SLC9C1: variants seen among roughly 807,000 people sequenced by gnomAD.
SLC9C1 encodes sodium/hydrogen exchanger 10.
Under a neutral mutation model 140.9 loss-of-function variants are expected in SLC9C1, and 97 were observed. The ratio of observed to expected loss-of-function variants is 0.69; its 90% CI spans 0.58 to 0.82. The LOEUF (loss-of-function observed/expected upper bound fraction) is 0.82. Ranked by LOEUF, SLC9C1 falls within the 40% of genes least tolerant of loss-of-function variation. The pLI is 0.00. For synonymous variants in SLC9C1, 440 were observed against 442.6 expected, an observed-to-expected ratio of 0.99 and a Z score of 0.07; for missense variants, 1,340 against 1,389.3, an observed-to-expected ratio of 0.96 and a Z score of 0.56.
At chr3:112,182,292 A>C in intron 20 of SLC9C1, 34 bp from the exon 21 acceptor site, 1 of 1,578,166 alleles carries the variant, frequency 6.3e-7, no homozygotes, top group East Asian at 2.3e-5. Context: ...GGGATGAACC[A>C]AACTGCTGTT....
chr3:112,199,715 G>A (rs1199561183), intron 19 of SLC9C1, among the ~76,000 whole-genome samples: 4 of 151,934 alleles, frequency 2.6e-5, no homozygotes, highest in East Asian at 1.9e-4. Context: ...AGGTAGCTTC[G>A]TTTCTAGGAT....
chr3:112,214,555 A>C (rs1018662876), intron 15 of SLC9C1, among the ~76,000 whole-genome samples: 9 of 152,306 alleles, frequency 5.9e-5, no homozygotes, highest in Middle Eastern at 3.4e-3. Flanking sequence ...AGAAATACAA[A>C]CTACCCTCAG....
intron 7 of SLC9C1, 31 bp from the exon 8 acceptor site, chr3:112,266,371 T>C: frequency 6.6e-7 from 1 of 1,505,216 alleles, no homozygotes; most frequent in Non-Finnish European, 9.1e-7. Flanking sequence ...ATATAAAGTA[T>C]TAATTTAACA....
chr3:112,230,073 C>T (rs929795663), intron 13 of SLC9C1, among the ~76,000 whole-genome samples: 4 of 152,068 alleles, frequency 2.6e-5, no homozygotes, highest in African/African-American at 4.8e-5. Flanking sequence ...CTTAAAGAAG[C>T]CATGGTTGGC....
At chr3:112,234,491 A>T (rs1027939795) in intron 12 of SLC9C1, among the ~76,000 whole-genome samples, 2 of 152,000 alleles carry the variant, frequency 1.3e-5, no homozygotes. Context: ...ATTAGATCCC[A>T]TTTGTCAATT....
chr3:112,239,814 C>A (rs1275369674), intron 12 of SLC9C1, 26 bp downstream of exon 12: 3 of 1,576,322 alleles, frequency 1.9e-6, no homozygotes, highest in African/African-American at 1.4e-5. Flanking sequence ...TGCATTAAAG[C>A]AATAAAAAAG....
chr3:112,169,369 AC>A (rs2077202654), intron 23 of SLC9C1, 41 bp from the exon 24 acceptor site: 1 of 1,579,540 alleles, frequency 6.3e-7, no homozygotes, highest in Non-Finnish European at 8.6e-7. Context: ...TATTTTGTGC[AC>A]TATGGTTTAA....
chr3:112,227,534 T>C (rs1218764487), intron 13 of SLC9C1, among the ~76,000 whole-genome samples: 1 of 152,166 alleles, frequency 6.6e-6, no homozygotes, highest in Non-Finnish European at 1.5e-5. Context: ...AAATTCAGCA[T>C]TGTTTCATGA....
chr3:112,242,788 C>T (rs2079172382), intron 11 of SLC9C1, among the ~76,000 whole-genome samples: 1 of 151,822 alleles, frequency 6.6e-6, no homozygotes, highest in South Asian at 2.1e-4. Context: ...TCTCATGCAC[C>T]CCATAAATAT....
intron 15 of SLC9C1, among the ~76,000 whole-genome samples, chr3:112,214,065 C>T (rs1386447869): frequency 1.3e-5 from 2 of 152,210 alleles, no homozygotes; most frequent in Admixed American, 6.5e-5. Context: ...CACTCAAAAT[C>T]GCTCAACTAC....
At chr3:112,270,169 T>C in intron 6 of SLC9C1, 92 bp from the exon 7 acceptor site, 1 of 1,292,844 alleles carries the variant, frequency 7.7e-7, no homozygotes, top group African/African-American at 1.5e-5. Context: ...TTTGTCATTA[T>C]CTTTAAAATT....
chr3:112,271,015 TACA>T (rs2080057590), intron 6 of SLC9C1, among the ~76,000 whole-genome samples: 2 of 152,136 alleles, frequency 1.3e-5, no homozygotes, highest in Admixed American at 6.5e-5. Context: ...TCTTGTTATT[TACA>T]ACAAGATGGA....
chr3:112,199,395 T>C lies in SLC9C1; in HGVS notation c.2449A>G (p.Met817Val), dbSNP rs1462396059. The C allele has an allele frequency of 6.2e-7, 1 of 1,601,080 alleles. No homozygotes were observed. The highest frequency in any genetic ancestry group is 1.7e-5 in the Admixed American group (1 of 58,718). ...AAAGCCTTAAGAATTTCTGTAGCCATATTGAGCATAACATTAATTTCTTCC... is the reference window on the plus strand; with the variant it reads ...AAAGCCTTAAGAATTTCTGTAGCCACATTGAGCATAACATTAATTTCTTCC... ...TKEEINVMLN[M>V]ATEILKAFGL... The change falls in exon 20 of 29, where the codon ATG becomes GTG. Residue 817 changes from methionine (M) to valine (V), a missense_variant. Transcript: ENST00000305815.
intron 13 of SLC9C1, among the ~76,000 whole-genome samples, chr3:112,227,541 A>G (rs1368371167): frequency 1.3e-5 from 2 of 152,168 alleles, no homozygotes; most frequent in African/African-American, 4.8e-5. Context: ...GCATTGTTTC[A>G]TGATAAAAAC....
intron 6 of SLC9C1, 93 bp from the exon 7 acceptor site, chr3:112,270,170 C>A (rs2080033060): frequency 7.7e-7 from 1 of 1,293,686 alleles, no homozygotes; most frequent in Non-Finnish European, 1.0e-6. Context: ...TTGTCATTAT[C>A]TTTAAAATTA....
At chr3:112,176,865 G>T (rs576252239) in intron 23 of SLC9C1, among the ~76,000 whole-genome samples, 1 of 152,220 alleles carries the variant, frequency 6.6e-6, no homozygotes, top group East Asian at 1.9e-4. Flanking sequence ...ATAAGAGCAA[G>T]CCTTCTTCTA....
chr3:112,158,529 C>G (rs1050645624), intron 26 of SLC9C1, among the ~76,000 whole-genome samples: 1 of 151,800 alleles, frequency 6.6e-6, no homozygotes, highest in African/African-American at 2.4e-5. Flanking sequence ...TGATGCTGGC[C>G]TAGTAGAATA....
intron 20 of SLC9C1, chr3:112,185,803 G>A (rs904193414): frequency 3.6e-5 from 56 of 1,564,640 alleles, no homozygotes; most frequent in Non-Finnish European, 4.7e-5. Flanking sequence ...GGCACCAGAC[G>A]CTGGTAGCGC....
In SLC9C1 at chr3:112,221,165, C is replaced by T; in HGVS notation, c.1633G>A (p.Val545Ile). The change falls in exon 14 of 29, where the codon GTT becomes ATT. Residue 545 changes from valine (V) to isoleucine (I), a missense_variant. Physicochemically the swap from Val to Ile is conservative, Grantham distance 29. Transcript: ENST00000305815. Reference protein sequence around the residue: ...ILSQSAVQVLVGAAESFGEKK... With the variant: ...ILSQSAVQVLIGAAESFGEKK... ...TCACCAAAACTTTCTGCTGCACCAACCAACACCTGGACAGCACTCTGGGAC... is the reference window on the plus strand; with the variant it reads ...TCACCAAAACTTTCTGCTGCACCAATCAACACCTGGACAGCACTCTGGGAC... The T allele has an allele frequency of 6.2e-7, 1 of 1,613,692 alleles. No homozygotes were observed.
Sources: gnomAD v4.1 joint callset for allele counts (sites outside exome capture counted in the v4.1 genomes callset) on GRCh38, gnomAD v4.1.1 for gene constraint, MANE v1.5 for transcripts, NCBI Gene and HGNC (gene_info 2026-07-23, HGNC 2026-07-21) for gene names.